The following ABLIM2 variants were observed in gnomAD, a reference collection of about 807,000 sequenced individuals.
The protein encoded by ABLIM2 is actin binding LIM protein family member 2, also known as actin-binding LIM protein 2.
ABLIM2 carries 53 observed loss-of-function variants against 97.7 expected under a neutral mutation model. That is an observed-to-expected ratio of 0.54 (90% confidence interval 0.44 to 0.68). The LOEUF is 0.68. ABLIM2 is among the 30% of genes least tolerant of loss of function. The pLI, the probability that ABLIM2 is intolerant of heterozygous loss-of-function variation, is 0.00. For synonymous variants in ABLIM2, 361 were observed against 345.8 expected (o/e 1.04, Z -0.49); for missense variants, 835 against 867.2 (o/e 0.96, Z 0.47).
chr4:8,103,516 C>A (rs1481102760), intron 2 of ABLIM2, among the ~76,000 whole-genome samples: 3 of 152,256 alleles, frequency 2.0e-5, no homozygotes, highest in African/African-American at 7.2e-5. Flanking sequence ...GAGTGAGACT[C>A]TAACTGGCTG....
chr4:8,100,155 T>C (rs755455567), intron 2 of ABLIM2, among the ~76,000 whole-genome samples: 6 of 152,142 alleles, frequency 3.9e-5, no homozygotes, highest in Non-Finnish European at 5.9e-5. Flanking sequence ...CTCTAAGGAA[T>C]GTGAAAACTT....
chr4:8,057,340 C>T (rs1561026922), intron 7 of ABLIM2, among the ~76,000 whole-genome samples: 2 of 152,176 alleles, frequency 1.3e-5, no homozygotes, highest in Non-Finnish European at 2.9e-5. Context: ...TCCACCTCTG[C>T]CTCCCAAAGT....
chr4:7,965,328 T>A lies in ABLIM2; in HGVS notation c.*1662A>T, dbSNP rs2149261502. The A allele has an allele frequency of 6.5e-6, 1 of 152,824 alleles. No individual in the cohort carries two copies. Among genetic ancestry groups the A allele is most frequent in the South Asian group, 2.1e-4 (1 of 4,834 alleles). The allele number at this position is 152,824 out of a possible 1,614,324, so 9.5% of individuals were successfully genotyped here. On this transcript the variant is annotated 3_prime_UTR_variant, in exon 21 of 21. Coordinates refer to ENST00000447017, the MANE Select transcript of ABLIM2 (RefSeq NM_001130083.2). ...CAAGTGATCTTGTACTTCCGCAAGTTATAATGCATCGTCTTTTATTTTCCA... is the reference window on the plus strand; with the variant it reads ...CAAGTGATCTTGTACTTCCGCAAGTAATAATGCATCGTCTTTTATTTTCCA...
In ABLIM2 at chr4:8,120,290, C is replaced by T. The variant is rs1002652889; in HGVS notation, c.11-13653G>A. Among the ~76,000 whole-genome samples, 1 of 152,130 alleles carries T rather than the reference C, an allele frequency of 6.6e-6. No individual in the cohort carries two copies. The highest frequency in any genetic ancestry group is 1.5e-5 in the Non-Finnish European group (1 of 68,030). On this transcript the variant is annotated intron_variant, in intron 1 of 20. Transcript: ENST00000447017. This position sits in a 1 kb window ranked among gnomAD's most constrained non-coding sequence, Gnocchi z 5.6. ...CGTTGAAGTCCTAACCCCCGGACCT[C>T]GGCAAGTGACTGTGTTCGGAGACGG...
chr4:8,014,105 C>T (rs1183263574), intron 14 of ABLIM2, among the ~76,000 whole-genome samples: 4 of 152,278 alleles, frequency 2.6e-5, no homozygotes, highest in Non-Finnish European at 5.9e-5. Context: ...CCAGTTTTCT[C>T]TGCCTCCAGT....
chr4:7,967,560 C>A (rs116823877), intron 20 of ABLIM2, among the ~76,000 whole-genome samples: 66 of 152,304 alleles, frequency 4.3e-4, no homozygotes, highest in African/African-American at 1.6e-3. Context: ...GGGTGGGGCG[C>A]GGACAGTGAG....
At chr4:7,995,710 A>T (rs1480521822) in intron 16 of ABLIM2, among the ~76,000 whole-genome samples, 1 of 152,196 alleles carries the variant, frequency 6.6e-6, no homozygotes, top group Non-Finnish European at 1.5e-5. Flanking sequence ...AACTTCTCCT[A>T]GCGGAGGAAC....
rs1712171628 is a variant in ABLIM2, at chr4:8,150,218, G to A, written c.10+8462C>T. On this transcript the variant is annotated intron_variant, in intron 1 of 20. Coordinates refer to ENST00000447017, the MANE Select transcript of ABLIM2 (RefSeq NM_001130083.2). The surrounding 1 kb of genome is among the most constrained non-coding windows in gnomAD (Gnocchi z 6.3). ...AGCATCAACTGATGTCATTTTCCAT[G>A]TGCGATCCCGGGGACACTGAGGTCT... 6.6e-6 allele frequency among the ~76,000 whole-genome samples: 1 copy of A among 152,192 alleles called. No homozygotes were observed. The highest frequency in any genetic ancestry group is 1.5e-5 in the Non-Finnish European group (1 of 68,030).
chr4:8,018,102 G>A (rs1047989137), intron 14 of ABLIM2, among the ~76,000 whole-genome samples: 1 of 152,122 alleles, frequency 6.6e-6, no homozygotes, highest in Non-Finnish European at 1.5e-5. Context: ...CTTAGATCTG[G>A]GTCTGTTGGA....
rs142766851 is a variant in ABLIM2 at position 8,147,251 on chromosome 4, A to G, written c.10+11429T>C. Among the ~76,000 whole-genome samples, 1 of 152,204 alleles carries G rather than the reference A, an allele frequency of 6.6e-6. No individual in the cohort carries two copies. Among genetic ancestry groups the G allele is most frequent in the Non-Finnish European group, 1.5e-5 (1 of 68,046 alleles). ...CCCGGGACGTTTAAATTTAGCGAGT[A>G]ACATTTTTTTTATCCTATGAGAAGT... On this transcript the variant is annotated intron_variant, in intron 1 of 20. Coordinates refer to ENST00000447017, the MANE Select transcript of ABLIM2 (RefSeq NM_001130083.2). The surrounding 1 kb of genome is among the most constrained non-coding windows in gnomAD (Gnocchi z 5.3).
chr4:7,994,805 A>T (rs1358303162), intron 16 of ABLIM2, among the ~76,000 whole-genome samples: 3 of 118,742 alleles, frequency 2.5e-5, no homozygotes, highest in Non-Finnish European at 2.0e-5. Flanking sequence ...CAATGGCAAC[A>T]AAAGACAAAA....
chr4:8,057,746 G>A (rs1342625329), intron 7 of ABLIM2, among the ~76,000 whole-genome samples: 1 of 152,226 alleles, frequency 6.6e-6, no homozygotes, highest in African/African-American at 2.4e-5. Context: ...TGGCATTGCG[G>A]GGGTTGGCCT....
At position 7,970,854 on chromosome 4, in the gene ABLIM2, T is replaced by G. The variant is rs1403287634; in HGVS notation, c.1825-3751A>C. ...AGGGGCCGGGGGTGTCCCGAGCATG[T>G]GGGCTGGGCCAGGCCACTCGTATGT... On this transcript the variant is annotated intron_variant, in intron 20 of 20. Coordinates refer to ENST00000447017, the MANE Select transcript of ABLIM2 (RefSeq NM_001130083.2). This position sits in a 1 kb window ranked among gnomAD's most constrained non-coding sequence, Gnocchi z 5.3. Among the ~76,000 whole-genome samples the G allele has an allele frequency of 1.3e-5, 2 of 151,812 alleles. No individual in the cohort carries two copies. The highest frequency in any genetic ancestry group is 4.2e-4 in the South Asian group (2 of 4,800).
chr4:8,138,968 G>A (rs190079537), intron 1 of ABLIM2, among the ~76,000 whole-genome samples: 27 of 152,334 alleles, frequency 1.8e-4, no homozygotes, highest in African/African-American at 5.8e-4. Flanking sequence ...AGGCCTAGGT[G>A]GGTGGATCAC....
Position 8,105,550 on chromosome 4 carries a change from T to C in ABLIM2, c.154+944A>G, listed in dbSNP as rs546498595. On this transcript the variant is annotated intron_variant, in intron 2 of 20. Transcript: ENST00000447017. ...AATTATCGGCTTGTGGCACATTTCC[T>C]AGTTTTGTTTGCCCAGAAAAAAGCA... Among the ~76,000 whole-genome samples, 489 of 152,312 alleles carry C rather than the reference T, an allele frequency of 3.2e-3. 3 individuals carry two copies. The highest frequency in any genetic ancestry group is 0.01 in the Middle Eastern group (3 of 294).
rs1380287048 is a variant in ABLIM2 at position 8,039,886 on chromosome 4, T to TTTG, written c.901-3592_901-3591insCAA. ...TGTGCTGATTACTGTTTTTTTTTTT[T>TTTG]TTTTTTTTTTAATAAATGCAGATTG... On this transcript the variant is annotated intron_variant, in intron 9 of 20. Transcript: ENST00000447017. Among the ~76,000 whole-genome samples, 261 of 143,898 alleles carry TTTG rather than the reference T, an allele frequency of 1.8e-3. 1 individual carries two copies. Among genetic ancestry groups the TTTG allele is most frequent in the Admixed American group, 5.1e-3 (71 of 13,986 alleles). The allele number at this position is 143,898 out of a possible 152,430, so 94.4% of individuals were successfully genotyped here.
In ABLIM2 at chr4:8,077,677, C is replaced by A. The variant is rs550235433; in HGVS notation, c.626G>T (p.Gly209Val). The change falls in exon 6 of 21, where the codon GGC becomes GTC. Residue 209 changes from glycine to valine, a missense_variant. Gly to Val is a moderately radical substitution (Grantham distance 109). Transcript: ENST00000447017. ...TTTCTCACAGCTGTCACAGCGGATG[C>A]CGAACTTGGCGTGATAGTCAGCTTC... ...YCEADYHAKF[G>V]IRCDSCEKYI... 6.2e-7 allele frequency: 1 copy of A among 1,612,998 alleles called. No homozygotes were observed. Among genetic ancestry groups the A allele is most frequent in the Non-Finnish European group, 8.5e-7 (1 of 1,179,506 alleles).
intron 1 of ABLIM2, among the ~76,000 whole-genome samples, chr4:8,114,070 GC>G (rs1841611247): frequency 6.6e-6 from 1 of 152,240 alleles, no homozygotes; most frequent in African/African-American, 2.4e-5. Context: ...CTTCATTGCG[GC>G]ACAGCCCTGA....
chr4:8,154,469 A>T (rs1286592877), intron 1 of ABLIM2, among the ~76,000 whole-genome samples: 1 of 149,944 alleles, frequency 6.7e-6, no homozygotes, highest in African/African-American at 2.5e-5. Context: ...TTTAGTAGAG[A>T]TGGGGTTTCA....
Sources: gnomAD v4.1 joint callset for allele counts (sites outside exome capture counted in the v4.1 genomes callset) on GRCh38, gnomAD v4.1.1 for gene constraint, Gnocchi (gnomAD v3.1) non-coding constraint, MANE v1.5 for transcripts, NCBI Gene and HGNC (gene_info 2026-07-23, HGNC 2026-07-21) for gene names.